The following MGST1 variants were observed in gnomAD, a reference collection of about 807,000 sequenced individuals.
MGST1 encodes the protein microsomal glutathione S-transferase 1, also known as glutathione S-transferase 12.
MGST1 carries 5 observed loss-of-function variants against 8.9 expected under a neutral mutation model. That is an observed-to-expected ratio of 0.56 (90% CI 0.29 to 1.19). The LOEUF is 1.19. MGST1 is among the 50% of genes most tolerant of loss of function. The pLI is 0.08. For synonymous variants in MGST1, 54 were observed against 67.8 expected (o/e 0.80, Z 1.00); for missense variants, 182 against 187.4 (o/e 0.97, Z 0.17).
At position 16,537,443 on chromosome 12, in the gene MGST1, C is replaced by CT. The variant is rs1342203127; in HGVS notation, n.483-52084dup. Among the ~76,000 whole-genome samples, 1 of 152,176 alleles carries CT rather than the reference C, an allele frequency of 6.6e-6. No individual in the cohort carries two copies. The highest frequency in any genetic ancestry group is 1.5e-5 in the Non-Finnish European group (1 of 68,020). ...TTCTGGGATCTGGAGCATGGTGGCC[C>CT]TCTTCTCACAGCTCCACTAGGAGGT... On this transcript the variant is annotated intron_variant and non_coding_transcript_variant, in intron 4 of 4. Transcript: ENST00000538857. The surrounding 1 kb of genome is among the most constrained non-coding windows in gnomAD (Gnocchi z 4.6).
chr12:16,515,374 G>T (rs115440987), intron 4 of MGST1, among the ~76,000 whole-genome samples: 1 of 152,078 alleles, frequency 6.6e-6, no homozygotes, highest in African/African-American at 2.4e-5. Context: ...TAAAGAGGCC[G>T]AGCACAGTGG....
chr12:16,465,985 G>C (rs1298598638), intron 4 of MGST1, among the ~76,000 whole-genome samples: 2 of 152,042 alleles, frequency 1.3e-5, no homozygotes, highest in Admixed American at 6.6e-5. Context: ...TTAATATATA[G>C]CTAATAACTC....
intron 4 of MGST1, among the ~76,000 whole-genome samples, chr12:16,553,818 A>G (rs533068361): frequency 2.0e-5 from 3 of 152,208 alleles, no homozygotes; most frequent in African/African-American, 7.2e-5. Context: ...AAGAAATGCT[A>G]ATTTCCAGTG....
intron 4 of MGST1, among the ~76,000 whole-genome samples, chr12:16,479,313 C>G (rs1432123118): frequency 4.1e-5 from 6 of 145,522 alleles, no homozygotes; most frequent in Non-Finnish European, 9.0e-5. Flanking sequence ...GGGCTCACTG[C>G]AAGCTCCGCC....
intron 1 of MGST1, among the ~76,000 whole-genome samples, chr12:16,419,822 G>A (rs1940818798): frequency 6.6e-6 from 1 of 152,252 alleles, no homozygotes; most frequent in Non-Finnish European, 1.5e-5. Flanking sequence ...TTGGATGCCA[G>A]GGTGTCAGAG....
At chr12:16,377,916 A>ATG (rs1372727322), downstream of MGST1, among the ~76,000 whole-genome samples, 1 of 150,998 alleles carries the variant, frequency 6.6e-6, no homozygotes, top group Non-Finnish European at 1.5e-5. Flanking sequence ...GCATTTTTTC[A>ATG]TGTGTTTTTT....
chr12:16,554,981 A>T (rs899827686), intron 4 of MGST1, among the ~76,000 whole-genome samples: 28 of 152,174 alleles, frequency 1.8e-4, no homozygotes, highest in African/African-American at 6.3e-4. Context: ...TCTTGAGTCT[A>T]CCACTTTCTT....
chr12:16,484,400 TTTTGTTTG>T (rs1555106752), intron 4 of MGST1, among the ~76,000 whole-genome samples: 4 of 152,016 alleles, frequency 2.6e-5, no homozygotes, highest in South Asian at 2.1e-4. Context: ...AGAATCTGTT[TTTTGTTTG>T]TTTGTTTGTT....
chr12:16,402,895 T>C (rs998777976), intron 1 of MGST1, among the ~76,000 whole-genome samples: 1 of 150,342 alleles, frequency 6.7e-6, no homozygotes, highest in African/African-American at 2.4e-5. Flanking sequence ...GGATTTATTT[T>C]CTACTTTTTA....
downstream of MGST1, chr12:16,364,494 A>C (rs1229046759): frequency 3.1e-6 from 2 of 636,424 alleles, no homozygotes; most frequent in Non-Finnish European, 3.9e-6. The surrounding 1 kb of genome is among the most constrained non-coding windows in gnomAD (Gnocchi z 5.7). Flanking sequence ...ACAAAGAACC[A>C]CTCTGTACCC....
downstream of MGST1, among the ~76,000 whole-genome samples, chr12:16,443,354 CA>C (rs1480318810): frequency 6.6e-6 from 1 of 151,752 alleles, no homozygotes; most frequent in Non-Finnish European, 1.5e-5. Flanking sequence ...GTAATTACGA[CA>C]TAGTTAGGTA....
intron 4 of MGST1, among the ~76,000 whole-genome samples, chr12:16,451,622 G>A (rs1020097152): frequency 2.0e-5 from 3 of 151,666 alleles, no homozygotes; most frequent in Non-Finnish European, 4.4e-5. Context: ...AACAAAAAAG[G>A]TCTTTAAACT....
At chr12:16,351,845 T>C (rs1286821636) in intron 1 of MGST1, among the ~76,000 whole-genome samples, 1 of 152,132 alleles carries the variant, frequency 6.6e-6, no homozygotes, top group Non-Finnish European at 1.5e-5. Context: ...AAATAGGGGT[T>C]ACTTAGGTAG....
intron 1 of MGST1, among the ~76,000 whole-genome samples, chr12:16,432,727 C>CAGAG (rs1158164391): frequency 0.016 from 2,032 of 128,956 alleles, 25 homozygotes; most frequent in East Asian, 0.024. Context: ...CACACACACA[C>CAGAG]ACACAGAGAG....
intron 1 of MGST1, among the ~76,000 whole-genome samples, chr12:16,383,928 AT>A (rs970209159): frequency 2.0e-5 from 3 of 152,020 alleles, no homozygotes; most frequent in African/African-American, 7.2e-5. Flanking sequence ...TTTTTGTTGC[AT>A]TTTTTTTCAT....
intron 4 of MGST1, among the ~76,000 whole-genome samples, chr12:16,531,686 C>G (rs1941724701): frequency 6.6e-6 from 1 of 152,078 alleles, no homozygotes; most frequent in African/African-American, 2.4e-5. Flanking sequence ...CCAGCAAGAC[C>G]TTGCACTCAG....
intron 3 of MGST1, among the ~76,000 whole-genome samples, chr12:16,358,061 A>AT (rs1939808046): frequency 2.0e-5 from 3 of 152,208 alleles, no homozygotes; most frequent in African/African-American, 7.2e-5. Flanking sequence ...AGAATTAGGT[A>AT]TTTTTGCATA....
In MGST1 at chr12:16,455,642, A is replaced by G. The variant is rs74776601; in HGVS notation, n.482+72038A>G. ...AGCCTCATCAAGTGAAAAATAATCT[A>G]TGCCTGAGCATGGATAGACAAGGCA... On this transcript the variant is annotated intron_variant and non_coding_transcript_variant, in intron 4 of 4. Coordinates refer to the MGST1 transcript ENST00000538857. Among the ~76,000 whole-genome samples the G allele has an allele frequency of 6.3e-3, 952 of 151,984 alleles. 11 individuals are homozygous for G. Among genetic ancestry groups the G allele is most frequent in the African/African-American group, 0.021 (881 of 41,532 alleles).
At chr12:16,494,744 T>G (rs1388042582) in intron 4 of MGST1, among the ~76,000 whole-genome samples, 1 of 152,086 alleles carries the variant, frequency 6.6e-6, no homozygotes, top group Non-Finnish European at 1.5e-5. Context: ...GCTTAAAAAT[T>G]CCATGGGTAC....
Sources: allele counts gnomAD v4.1 joint callset (sites outside exome capture counted in the v4.1 genomes callset), GRCh38; gene constraint gnomAD v4.1.1; non-coding constraint Gnocchi (gnomAD v3.1); transcripts MANE v1.5; gene names NCBI Gene and HGNC (gene_info 2026-07-23, HGNC 2026-07-21).